Variants in SLC5A4 observed in about 807,000 individuals in gnomAD.
SLC5A4 encodes the protein probable glucose sensor protein SLC5A4.
A neutral mutation model predicts 70.3 loss-of-function variants in SLC5A4; 55 were observed. That is an observed-to-expected ratio of 0.78 (90% confidence interval 0.63 to 0.98). The LOEUF (loss-of-function observed/expected upper bound fraction) is 0.98. Among genes scored for constraint, SLC5A4 ranks in the 50% least tolerant of loss-of-function variants. The pLI is 0.00. For synonymous variants in SLC5A4, 268 were observed against 305.7 expected (o/e 0.88, Z 1.29); for missense variants, 735 against 839.2 (o/e 0.88, Z 1.53).
At chr22:32,344,716 G>A in the SLC5A4 span, among the ~76,000 whole-genome samples, 6 of 151,984 alleles carry the variant, frequency 3.9e-5, no homozygotes, top group East Asian at 9.7e-4. Flanking sequence ...CAGCTTTTAT[G>A]GCAACTTTTA....
chr22:32,279,043 G>A, the SLC5A4 span, among the ~76,000 whole-genome samples: 17,384 of 152,206 alleles, frequency 0.11, 1,352 homozygotes, highest in East Asian at 0.3. Context: ...TTGGGAGGCC[G>A]AGGCGAACGG....
the SLC5A4 span, among the ~76,000 whole-genome samples, chr22:32,302,260 T>TG: frequency 0.29 from 41,681 of 142,710 alleles, 5,766 homozygotes; most frequent in African/African-American, 0.33. Flanking sequence ...GTTTTTTTTT[T>TG]TTGTGTCTAG....
At chr22:32,332,494 G>C in the SLC5A4 span, among the ~76,000 whole-genome samples, 8 of 152,298 alleles carry the variant, frequency 5.3e-5, no homozygotes, top group African/African-American at 1.7e-4. Context: ...CGAGAGGCAG[G>C]GCCAGGCCAT....
chr22:32,339,433 AG>A, the SLC5A4 span, among the ~76,000 whole-genome samples: 1 of 152,218 alleles, frequency 6.6e-6, no homozygotes, highest in Non-Finnish European at 1.5e-5. Flanking sequence ...GCCCGTAGAC[AG>A]GATCTGAACT....
chr22:32,316,932 C>CTGTGTG, the SLC5A4 span, among the ~76,000 whole-genome samples: 8 of 67,440 alleles, frequency 1.2e-4, no homozygotes, highest in African/African-American at 5.7e-4. Context: ...TAATTAACAA[C>CTGTGTG]TCTGTGTGTG....
chr22:32,305,364 C>A, the SLC5A4 span, among the ~76,000 whole-genome samples: 1 of 131,718 alleles, frequency 7.6e-6, no homozygotes, highest in Non-Finnish European at 1.6e-5. Context: ...CTTCACATTG[C>A]TGCCTTGTGT....
chr22:32,336,315 G>A, the SLC5A4 span, among the ~76,000 whole-genome samples: 51 of 152,318 alleles, frequency 3.3e-4, no homozygotes, highest in African/African-American at 1.1e-3. Context: ...GCGTATTCAC[G>A]AGCCCCCAGA....
At chr22:32,269,426 A>G in the SLC5A4 span, 2 of 485,224 alleles carry the variant, frequency 4.1e-6, no homozygotes, top group South Asian at 3.6e-5. This position sits in a 1 kb window ranked among gnomAD's most constrained non-coding sequence, Gnocchi z 4.1. Flanking sequence ...GCTGCTCATC[A>G]TCATCGCCCT....
chr22:32,246,138 T>C (rs1409418811), intron 5 of SLC5A4, among the ~76,000 whole-genome samples: 1 of 152,264 alleles, frequency 6.6e-6, no homozygotes, highest in Non-Finnish European at 1.5e-5. Flanking sequence ...ATGGGACTAA[T>C]TGTTTCATGT....
chr22:32,317,826 A>G, the SLC5A4 span, among the ~76,000 whole-genome samples: 7 of 152,352 alleles, frequency 4.6e-5, no homozygotes, highest in Non-Finnish European at 1.0e-4. Flanking sequence ...CTAATGAAGC[A>G]GGAGATATAA....
In SLC5A4 at chr22:32,222,608, G is replaced by T. The variant is rs1288609874; in HGVS notation, c.1666-1586C>A. ...TAACATATATATATTTAAAAACTAT[G>T]ATATGTTTTCTAGTGTTCTTTCATC... is the stretch of plus-strand genomic sequence containing the variant. On this transcript the variant is annotated intron_variant, in intron 13 of 14. Coordinates refer to ENST00000266086, the MANE Select transcript of SLC5A4 (RefSeq NM_014227.3). Among the ~76,000 whole-genome samples the T allele has an allele frequency of 2.6e-5, 4 of 152,222 alleles. No homozygotes were observed. The East Asian group carries it at 7.7e-4, about 29-fold the overall frequency.
At chr22:32,305,857 G>T in the SLC5A4 span, among the ~76,000 whole-genome samples, 2 of 144,420 alleles carry the variant, frequency 1.4e-5, no homozygotes, top group African/African-American at 5.2e-5. Flanking sequence ...ACGTGCTTTC[G>T]GCTCTGTCTC....
Position 32,251,807 on chromosome 22 carries a change from G to A in SLC5A4, c.275C>T (p.Ala92Val), listed in dbSNP as rs1314963103. 6.2e-7 allele frequency: 1 copy of A among 1,613,640 alleles called. No homozygotes were observed. ...TGTTACGGTGGCGACTCCTGAAGCT[G>A]CTCCTGTCCCAGCCAGCCCCACATA... ...NHYVGLAGTG[A>V]ASGVATVTFE... The change falls in exon 3 of 15, where the codon GCA becomes GTA. Residue 92 changes from alanine (A) to valine (V), a missense_variant. Ala to Val is a moderately conservative substitution (Grantham distance 64). Coordinates refer to ENST00000266086, the MANE Select transcript of SLC5A4 (RefSeq NM_014227.3).
chr22:32,242,564 C>T (rs137973345), intron 5 of SLC5A4, among the ~76,000 whole-genome samples: 1,568 of 152,230 alleles, frequency 0.01, 8 homozygotes, highest in South Asian at 0.027. Context: ...AAAAAATTAG[C>T]CAGGTATGGT....
the SLC5A4 span, among the ~76,000 whole-genome samples, chr22:32,328,066 C>A: frequency 6.7e-5 from 10 of 150,208 alleles, no homozygotes; most frequent in Non-Finnish European, 1.0e-4. Context: ...GACGACGTCC[C>A]CAACACACAC....
the SLC5A4 span, chr22:32,327,209 T>C: frequency 2.6e-5 from 4 of 152,260 alleles, no homozygotes; most frequent in Non-Finnish European, 5.9e-5. Flanking sequence ...GGTTAGAAGG[T>C]GGAAACAACA....
At chr22:32,274,054 T>C in the SLC5A4 span, among the ~76,000 whole-genome samples, 1 of 151,794 alleles carries the variant, frequency 6.6e-6, no homozygotes, top group Admixed American at 6.6e-5. Flanking sequence ...TTTTTTTTTT[T>C]TTTGAGACAG....
At chr22:32,267,252 A>T in the SLC5A4 span, among the ~76,000 whole-genome samples, 2 of 152,284 alleles carry the variant, frequency 1.3e-5, no homozygotes, top group South Asian at 4.2e-4. Flanking sequence ...ATATAGCATA[A>T]TTAAATCAAA....
the SLC5A4 span, among the ~76,000 whole-genome samples, chr22:32,304,976 A>C: frequency 1.3e-5 from 2 of 152,110 alleles, no homozygotes; most frequent in African/African-American, 2.4e-5. Flanking sequence ...TTTCTTGAAA[A>C]GACTATTTTT....
Sources: gnomAD v4.1 joint callset for allele counts (sites outside exome capture counted in the v4.1 genomes callset) on GRCh38, gnomAD v4.1.1 for gene constraint, Gnocchi (gnomAD v3.1) non-coding constraint, MANE v1.5 for transcripts, NCBI Gene and HGNC (gene_info 2026-07-23, HGNC 2026-07-21) for gene names.